ZBTB8A: variants seen among roughly 807,000 people sequenced by gnomAD.
ZBTB8A encodes zinc finger and BTB domain-containing protein 8A.
ZBTB8A carries 19 observed loss-of-function variants against 37.8 expected under a neutral mutation model. That is an observed-to-expected ratio of 0.50 (90% confidence interval 0.35 to 0.74). The LOEUF (loss-of-function observed/expected upper bound fraction) is 0.74, where lower values mean the gene tolerates loss of function less well. Ranked by LOEUF, ZBTB8A falls within the 30% of genes least tolerant of loss-of-function variation. ZBTB8A has a pLI of 0.01. For synonymous variants in ZBTB8A, 181 were observed against 185.2 expected (o/e 0.98, Z 0.19); for missense variants, 394 against 537.8 (o/e 0.73, Z 2.65).
At chr1:32,599,577 C>T (rs967814218) in intron 4 of ZBTB8A, among the ~76,000 whole-genome samples, 5 of 151,876 alleles carry the variant, frequency 3.3e-5, no homozygotes, top group Non-Finnish European at 7.4e-5. Flanking sequence ...ATTAGCTGGG[C>T]GTGGTGGCAC....
In ZBTB8A at chr1:32,600,604, T is replaced by C. The variant is rs891057889; in HGVS notation, c.*185T>C. 2 of 571,784 alleles carry C rather than the reference T, an allele frequency of 3.5e-6. No individual in the cohort carries two copies. Among genetic ancestry groups the C allele is most frequent in the African/African-American group, 1.9e-5 (1 of 53,480 alleles). 35.4% of individuals were successfully genotyped at this position (571,784 alleles called of 1,614,324 possible). On this transcript the variant is annotated 3_prime_UTR_variant, in exon 5 of 5. Coordinates refer to ENST00000373510, the MANE Select transcript of ZBTB8A (RefSeq NM_001040441.3). ...CATTCTGAACTTTGTTGCCCTAAAA[T>C]GTGTTGCTGCACTGGAAAGAAAGAA... is the stretch of plus-strand genomic sequence containing the variant.
Position 32,593,277 on chromosome 1 carries a change from A to G in ZBTB8A, c.346A>G (p.Thr116Ala). 2 of 1,614,166 alleles carry G rather than the reference A, an allele frequency of 1.2e-6. No homozygotes were observed. Among genetic ancestry groups the G allele is most frequent in the Non-Finnish European group, 1.7e-6 (2 of 1,180,028 alleles). The change falls in exon 3 of 5, where the codon ACT becomes GCT. Residue 116 changes from threonine (T) to alanine (A), a missense_variant. By Grantham distance (58) the Thr-to-Ala change is moderately conservative. Coordinates refer to ENST00000373510, the MANE Select transcript of ZBTB8A (RefSeq NM_001040441.3). Reference protein sequence around the residue: ...QMTDVISVCKTFIKSSLDISE... With the variant: ...QMTDVISVCKAFIKSSLDISE... ...GACTGATGTCATAAGTGTATGTAAG[A>G]CTTTTATTAAATCTTCCTTAGACAT...
Position 32,554,585 on chromosome 1 carries a change from A to G in ZBTB8A, c.-2+1045A>G, listed in dbSNP as rs901755946. 5.3e-5 allele frequency among the ~76,000 whole-genome samples: 8 copies of G among 151,618 alleles called. No homozygotes were observed. In the East Asian group the frequency reaches 1.5e-3, roughly 29 times the overall value. On this transcript the variant is annotated intron_variant, in intron 2 of 4. Transcript: ENST00000373510. Reference sequence around the variant, plus strand: ...CAACCTCCACCTCCCAGGTTCAAGCAGTTCTGCCTCAGCCTCCAGAGTAAC... The same window carrying G: ...CAACCTCCACCTCCCAGGTTCAAGCGGTTCTGCCTCAGCCTCCAGAGTAAC...
intron 1 of ZBTB8A, among the ~76,000 whole-genome samples, chr1:32,541,400 C>T (rs752696266): frequency 6.6e-6 from 1 of 152,176 alleles, no homozygotes; most frequent in Non-Finnish European, 1.5e-5. Flanking sequence ...GCCTGAAATG[C>T]TCTTCCCCCA....
chr1:32,571,329 T>C (rs1644321288), intron 2 of ZBTB8A, among the ~76,000 whole-genome samples: 1 of 152,224 alleles, frequency 6.6e-6, no homozygotes, highest in South Asian at 2.1e-4. Context: ...ATATTAGCAG[T>C]TGGCTTTTTG....
chr1:32,556,539 A>G (rs984028507), intron 2 of ZBTB8A, among the ~76,000 whole-genome samples: 11 of 152,068 alleles, frequency 7.2e-5, no homozygotes, highest in Non-Finnish European at 1.5e-4. Flanking sequence ...GCCAATTTTT[A>G]AAAATCTATT....
chr1:32,562,677 A>G (rs1644252915), intron 2 of ZBTB8A, among the ~76,000 whole-genome samples: 1 of 149,654 alleles, frequency 6.7e-6, no homozygotes, highest in African/African-American at 2.5e-5. Flanking sequence ...CGCTGATTCA[A>G]GCGATTCTCC....
At chr1:32,543,047 C>T (rs778971684) in intron 1 of ZBTB8A, among the ~76,000 whole-genome samples, 2 of 152,218 alleles carry the variant, frequency 1.3e-5, no homozygotes, top group South Asian at 2.1e-4. Flanking sequence ...CAGGTTGTAA[C>T]TGACCCCAGT....
At position 32,593,134 on chromosome 1, in the gene ZBTB8A, T is replaced by G. The variant is rs758043618; in HGVS notation, c.203T>G (p.Phe68Cys). ...ACGAGTCAGCCAACCACAGCTACAT[T>G]TCAGGCTTTCTCCCCTGACACTTTT... ...KETSQPTTAT[F>C]QAFSPDTFTV... Residue 68 changes from phenylalanine (F) to cysteine (C), a missense_variant, in exon 3 of 5, where the codon TTT (phenylalanine) becomes TGT (cysteine). Physicochemically the swap from Phe to Cys is radical, Grantham distance 205. Around this residue, in one of 4 missense-constraint regions of ZBTB8A, gnomAD observed 96 missense variants for 165.6 expected, o/e 0.58. Coordinates refer to ENST00000373510, the MANE Select transcript of ZBTB8A (RefSeq NM_001040441.3). 1 of 1,614,210 alleles carries G rather than the reference T, an allele frequency of 6.2e-7. No homozygotes were observed. The highest frequency in any genetic ancestry group is 8.5e-7 in the Non-Finnish European group (1 of 1,180,038).
intron 3 of ZBTB8A, among the ~76,000 whole-genome samples, chr1:32,594,460 G>T (rs1390290853): frequency 6.6e-6 from 1 of 150,970 alleles, no homozygotes; most frequent in Non-Finnish European, 1.5e-5. Context: ...GGAGTATTTA[G>T]CTTATTAAGA....
Position 32,604,113 on chromosome 1 carries a change from G to A in ZBTB8A, c.*3694G>A, listed in dbSNP as rs941435421. The A allele has an allele frequency of 6.6e-6, 1 of 151,930 alleles. No homozygotes were observed. The highest frequency in any genetic ancestry group is 1.5e-5 in the Non-Finnish European group (1 of 67,996). 9.4% of individuals were successfully genotyped at this position (151,930 alleles called of 1,614,324 possible). ...GTTAGACCAAAGTTTGCTCTTGCAG[G>A]AATGCCATTTATCAGCTTCTGAATG... On this transcript the variant is annotated 3_prime_UTR_variant, in exon 5 of 5. Transcript: ENST00000373510.
chr1:32,593,599 A>G lies in ZBTB8A; in HGVS notation c.668A>G (p.His223Arg), dbSNP rs189982754. ...TTGTCACAGCCTTCTGAAGTTACTC[A>G]TTATAAGTCAAGCAAACGAGAAGTA... is the stretch of plus-strand genomic sequence containing the variant. ...LRLSQPSEVT[H>R]YKSSKREVRT... Residue 223 changes from histidine (H) to arginine (R), a missense_variant, in exon 3 of 5, where the codon CAT (histidine) becomes CGT (arginine). Physicochemically the swap from His to Arg is conservative, Grantham distance 29 (BLOSUM62 0). This residue lies in a region of ZBTB8A where 171 missense variants were observed against 186.8 expected (regional missense o/e 0.92). Coordinates refer to ENST00000373510, the MANE Select transcript of ZBTB8A (RefSeq NM_001040441.3). 7.6e-5 allele frequency: 122 copies of G among 1,614,110 alleles called. No homozygotes were observed. Among genetic ancestry groups the G allele is most frequent in the Non-Finnish European group, 9.7e-5 (114 of 1,180,056 alleles).
At chr1:32,545,954 T>G (rs1447853080) in intron 1 of ZBTB8A, among the ~76,000 whole-genome samples, 2 of 152,154 alleles carry the variant, frequency 1.3e-5, no homozygotes, top group Non-Finnish European at 2.9e-5. Context: ...TCTCTTCTCT[T>G]CCTGTCTCTT....
At chr1:32,588,909 G>A (rs1334060988) in intron 2 of ZBTB8A, among the ~76,000 whole-genome samples, 1 of 151,794 alleles carries the variant, frequency 6.6e-6, no homozygotes, top group Admixed American at 6.6e-5. Context: ...TCTTGAACCC[G>A]GGAGGCAGAG....
chr1:32,567,941 A>T (rs1644296082), intron 2 of ZBTB8A, among the ~76,000 whole-genome samples: 1 of 151,866 alleles, frequency 6.6e-6, no homozygotes, highest in African/African-American at 2.4e-5. Context: ...GGAGTTTGAG[A>T]CCAGCCTGGC....
intron 2 of ZBTB8A, among the ~76,000 whole-genome samples, chr1:32,589,051 G>C (rs1644469155): frequency 5.9e-5 from 9 of 152,068 alleles, no homozygotes; most frequent in Admixed American, 5.9e-4. Flanking sequence ...AAGAGAGACA[G>C]GAGGAGACAT....
At chr1:32,599,131 C>A (rs527492072) in intron 4 of ZBTB8A, among the ~76,000 whole-genome samples, 4 of 152,038 alleles carry the variant, frequency 2.6e-5, no homozygotes, top group Non-Finnish European at 2.9e-5. Flanking sequence ...TAAATTTATG[C>A]AATATTTTTC....
Position 32,552,083 on chromosome 1 carries a change from T to G in ZBTB8A, c.-83-1376T>G, listed in dbSNP as rs546219928. ...TGTCAAAGTTAAAAAGTATGTTTGG[T>G]CCAGGGACAGTGGCTCATGCCTATA... is the stretch of plus-strand genomic sequence containing the variant. On this transcript the variant is annotated intron_variant, in intron 1 of 4. Coordinates refer to ENST00000373510, the MANE Select transcript of ZBTB8A (RefSeq NM_001040441.3). Among the ~76,000 whole-genome samples the G allele has an allele frequency of 1.4e-4, 22 of 152,214 alleles. No individual in the cohort carries two copies. In the East Asian group the frequency reaches 4.3e-3, roughly 29 times the overall value.
chr1:32,543,259 A>G (rs1313774680), intron 1 of ZBTB8A, among the ~76,000 whole-genome samples: 1 of 151,768 alleles, frequency 6.6e-6, no homozygotes, highest in Non-Finnish European at 1.5e-5. Context: ...AATTTTTTGT[A>G]TTTTTAGTAG....
Sources: gnomAD v4.1 joint callset for allele counts (sites outside exome capture counted in the v4.1 genomes callset) on GRCh38, gnomAD v4.1.1 for gene constraint, gnomAD v4.1.1 regional missense constraint, MANE v1.5 for transcripts, NCBI Gene and HGNC (gene_info 2026-07-23, HGNC 2026-07-21) for gene names.